The following PPP2R2B variants were observed in gnomAD, a reference collection of about 807,000 sequenced individuals.
The protein encoded by PPP2R2B is serine/threonine-protein phosphatase 2A 55 kDa regulatory subunit B beta isoform.
A neutral mutation model predicts 46.0 loss-of-function variants in PPP2R2B; 5 were observed. That is an observed-to-expected ratio of 0.11 (90% CI 0.06 to 0.23). PPP2R2B has a LOEUF of 0.23. Among genes scored for constraint, PPP2R2B ranks in the 10% least tolerant of loss-of-function variants. PPP2R2B has a pLI of 1.00. For missense variants in PPP2R2B, 367 were observed against 575.0 expected, an observed-to-expected ratio of 0.64 and a Z score of 3.70; for synonymous variants, 215 against 206.7, an observed-to-expected ratio of 1.04 and a Z score of -0.34.
intron 1 of PPP2R2B, among the ~76,000 whole-genome samples, chr5:146,908,715 C>T (rs1561510892): frequency 6.6e-6 from 1 of 152,126 alleles, no homozygotes; most frequent in Non-Finnish European, 1.5e-5. Context: ...CAGTGTCAGA[C>T]CTAGGATTCA....
At chr5:146,735,360 C>T (rs1360471904) in intron 2 of PPP2R2B, among the ~76,000 whole-genome samples, 1 of 151,982 alleles carries the variant, frequency 6.6e-6, no homozygotes, top group Admixed American at 6.6e-5. Flanking sequence ...CTTCTCCCAC[C>T]CCTTGCAAAC....
intron 1 of PPP2R2B, among the ~76,000 whole-genome samples, chr5:147,052,581 T>G (rs886739139): frequency 1.3e-5 from 2 of 152,040 alleles, no homozygotes; most frequent in African/African-American, 4.8e-5. Context: ...AACAAGGCAA[T>G]GGGGCAGAAG....
intron 2 of PPP2R2B, among the ~76,000 whole-genome samples, chr5:146,701,713 C>A (rs1202167554): frequency 6.6e-6 from 1 of 152,084 alleles, no homozygotes; most frequent in African/African-American, 2.4e-5. Context: ...TTTTTGTGAG[C>A]CCAACACATC....
chr5:146,995,738 C>A (rs181281524), intron 1 of PPP2R2B, among the ~76,000 whole-genome samples: 2 of 152,168 alleles, frequency 1.3e-5, no homozygotes, highest in African/African-American at 4.8e-5. Context: ...AAAACATTCC[C>A]AAGAAGATAT....
At chr5:147,032,770 T>A (rs1755851653) in intron 1 of PPP2R2B, among the ~76,000 whole-genome samples, 1 of 152,250 alleles carries the variant, frequency 6.6e-6, no homozygotes, top group South Asian at 2.1e-4. Flanking sequence ...GATGGGCATT[T>A]GGATTGGTTC....
chr5:146,830,994 A>C (rs1030640736), intron 2 of PPP2R2B, among the ~76,000 whole-genome samples: 1 of 152,134 alleles, frequency 6.6e-6, no homozygotes, highest in Non-Finnish European at 1.5e-5. Context: ...AGTGCAATGC[A>C]TTACTCAGGT....
intron 2 of PPP2R2B, among the ~76,000 whole-genome samples, chr5:146,818,056 G>A (rs1160442218): frequency 6.6e-6 from 1 of 152,134 alleles, no homozygotes; most frequent in African/African-American, 2.4e-5. Flanking sequence ...CTTCTTCAGG[G>A]CAGCCTTCCC....
chr5:146,775,170 G>T (rs1487195892), intron 2 of PPP2R2B, among the ~76,000 whole-genome samples: 1 of 152,100 alleles, frequency 6.6e-6, no homozygotes, highest in Non-Finnish European at 1.5e-5. Flanking sequence ...TGATACTAAA[G>T]TCAGACAGAC....
In PPP2R2B at chr5:146,816,482, T is replaced by C. The variant is rs186874411; in HGVS notation, c.70+61520A>G. ...AGTAAATTTTGGTCATCTTCTATAA[T>C]AGAGTTTATGCGCCTATTAAACATT... On this transcript the variant is annotated intron_variant, in intron 2 of 9. Transcript: ENST00000394411. Among the ~76,000 whole-genome samples the C allele has an allele frequency of 2.0e-3, 307 of 152,286 alleles. 1 individual carries two copies. Among genetic ancestry groups the C allele is most frequent in the Middle Eastern group, 6.8e-3 (2 of 294 alleles).
rs1293709733 is a variant in PPP2R2B, at chr5:146,590,026, G to A, written c.1253C>T (p.Thr418Ile). 1.9e-6 allele frequency: 3 copies of A among 1,614,062 alleles called. No homozygotes were observed. The African/African-American group carries it at 4.0e-5, about 22-fold the overall frequency. Reference protein sequence around the residue: ...SLDFSKKILHTAWHPSENIIA... With the variant: ...SLDFSKKILHIAWHPSENIIA... Reference sequence around the variant, plus strand: ...AATATTTTCTGAAGGATGCCAAGCTGTATGCAAGATCTTTTTGCTAAAGTC... The same window carrying A: ...AATATTTTCTGAAGGATGCCAAGCTATATGCAAGATCTTTTTGCTAAAGTC... Residue 418 changes from threonine (T) to isoleucine (I), a missense_variant, in exon 10 of 10, where the codon ACA (threonine) becomes ATA (isoleucine). Physicochemically the swap from Thr to Ile is moderately conservative, Grantham distance 89. This residue lies in a region of PPP2R2B where 361 missense variants were observed against 545.5 expected (regional missense o/e 0.66). Coordinates refer to ENST00000394411, the MANE Select transcript of PPP2R2B (RefSeq NM_181675.4).
At chr5:147,033,338 C>A (rs1050303849) in intron 1 of PPP2R2B, among the ~76,000 whole-genome samples, 34 of 152,266 alleles carry the variant, frequency 2.2e-4, no homozygotes, top group African/African-American at 8.2e-4. Flanking sequence ...GATGTCACTC[C>A]ATGGAGGGAT....
At chr5:146,726,546 G>A (rs1481573950) in intron 2 of PPP2R2B, among the ~76,000 whole-genome samples, 2 of 152,128 alleles carry the variant, frequency 1.3e-5, no homozygotes, top group African/African-American at 4.8e-5. Flanking sequence ...GATCCTCATA[G>A]CAAATCTGTT....
chr5:146,709,083 C>CATCCAATCAGTGTCTAGTAT (rs1272071416), intron 2 of PPP2R2B, among the ~76,000 whole-genome samples: 1 of 152,202 alleles, frequency 6.6e-6, no homozygotes, highest in Non-Finnish European at 1.5e-5. Flanking sequence ...TTTCCTCTGT[C>CATCCAATCAGTGTCTAGTAT]ATCCAATCAG....
intron 2 of PPP2R2B, among the ~76,000 whole-genome samples, chr5:146,821,848 C>T (rs1447147603): frequency 2.0e-5 from 3 of 151,612 alleles, no homozygotes; most frequent in Admixed American, 2.0e-4. Flanking sequence ...AAAGCATATT[C>T]AAGTATGATG....
rs532126451 is a variant in PPP2R2B at position 146,760,121 on chromosome 5, A to T, written c.71-58979T>A. ...AAGCATTTAGCACAGCATGTAACAC[A>T]CAGTAAACACGAATAAATTCAGCTG... is the stretch of plus-strand genomic sequence containing the variant. On this transcript the variant is annotated intron_variant, in intron 2 of 9. Coordinates refer to ENST00000394411, the MANE Select transcript of PPP2R2B (RefSeq NM_181675.4). 1.2e-4 allele frequency among the ~76,000 whole-genome samples: 19 copies of T among 152,354 alleles called. 1 individual carries two copies. The South Asian group carries it at 3.7e-3, about 30-fold the overall frequency.
chr5:146,692,064 C>T (rs1778888775), intron 4 of PPP2R2B, among the ~76,000 whole-genome samples: 1 of 152,200 alleles, frequency 6.6e-6, no homozygotes, highest in Non-Finnish European at 1.5e-5. Flanking sequence ...CTATCTGTCT[C>T]TTTCACTAGA....
chr5:146,824,950 T>C (rs1434992379), intron 2 of PPP2R2B, among the ~76,000 whole-genome samples: 1 of 152,140 alleles, frequency 6.6e-6, no homozygotes, highest in African/African-American at 2.4e-5. Context: ...CTTGAACTCC[T>C]GGCCTCAAGT....
chr5:146,879,114 C>A (rs375962149), upstream of PPP2R2B: 19 of 188,560 alleles, frequency 1.0e-4, no homozygotes, highest in East Asian at 2.1e-3. Flanking sequence ...AGTCTACATC[C>A]AGGTCCCTTT....
chr5:146,741,659 C>T (rs1053036622), intron 2 of PPP2R2B, among the ~76,000 whole-genome samples: 5 of 152,146 alleles, frequency 3.3e-5, no homozygotes, highest in Admixed American at 6.5e-5. Flanking sequence ...AGAAGGACTG[C>T]GTCACCACCT....
Sources: gnomAD v4.1 joint callset for allele counts (sites outside exome capture counted in the v4.1 genomes callset) on GRCh38, gnomAD v4.1.1 for gene constraint, gnomAD v4.1.1 regional missense constraint, MANE v1.5 for transcripts, NCBI Gene and HGNC (gene_info 2026-07-23, HGNC 2026-07-21) for gene names.